CYP27A1: variants seen among roughly 807,000 people sequenced by gnomAD.
CYP27A1 encodes the protein cytochrome P450 family 27 subfamily A member 1.
A neutral mutation model predicts 58.2 loss-of-function variants in CYP27A1; 46 were observed. The observed-to-expected ratio is 0.79, with a 90% CI of 0.62 to 1.01. The LOEUF (loss-of-function observed/expected upper bound fraction) is 1.01. Ranked by LOEUF, CYP27A1 falls within the 50% of genes least tolerant of loss-of-function variation. The pLI, the probability that CYP27A1 is intolerant of heterozygous loss-of-function variation, is 0.00. For synonymous variants in CYP27A1, 274 were observed against 285.1 expected (o/e 0.96, Z 0.39); for missense variants, 704 against 687.0 (o/e 1.02, Z -0.28).
chr2:218,788,567 CTACAT>C (rs1943461157), intron 1 of CYP27A1, among the ~76,000 whole-genome samples: 1 of 152,144 alleles, frequency 6.6e-6, no homozygotes, highest in Admixed American at 6.5e-5. Context: ...AAATTATTAA[CTACAT>C]TACTGAACAG....
At position 218,782,541 on chromosome 2, in the gene CYP27A1, A is replaced by G; in HGVS notation, c.255+104A>G. 1 of 1,453,296 alleles carries G rather than the reference A, an allele frequency of 6.9e-7. No individual in the cohort carries two copies. The highest frequency in any genetic ancestry group is 9.6e-7 in the Non-Finnish European group (1 of 1,043,296). 90.0% of individuals were successfully genotyped at this position (1,453,296 alleles called of 1,614,324 possible). A position where few individuals can be genotyped will look rare whatever the true frequency, so the allele number is the denominator to read the frequency against. The stretch of plus-strand genomic sequence containing the variant: ...CAGAAAGTGAAGGCTGCAGGAACTC[A>G]GCTGGGGACCCACTGAGGCTATGGT... On this transcript the variant is annotated intron_variant, in intron 1 of 8. Transcript: ENST00000258415. This position sits in a 1 kb window ranked among gnomAD's most constrained non-coding sequence, Gnocchi z 4.1.
intron 1 of CYP27A1, among the ~76,000 whole-genome samples, chr2:218,798,300 C>T (rs965030955): frequency 6.6e-6 from 1 of 152,208 alleles, no homozygotes; most frequent in Non-Finnish European, 1.5e-5. Context: ...TTACCATGCC[C>T]AGCCTTCTTA....
chr2:218,813,374 C>T (rs1204852976), intron 5 of CYP27A1, among the ~76,000 whole-genome samples: 1 of 152,200 alleles, frequency 6.6e-6, no homozygotes, highest in Non-Finnish European at 1.5e-5. Context: ...ATCCAACTCT[C>T]TTGCTGCAAT....
intron 1 of CYP27A1, among the ~76,000 whole-genome samples, chr2:218,803,152 C>T (rs983238282): frequency 2.6e-5 from 4 of 152,094 alleles, no homozygotes; most frequent in Admixed American, 6.5e-5. Flanking sequence ...GCCATATTGG[C>T]CAGGCTGGTC....
chr2:218,785,733 G>A (rs1943434886), intron 1 of CYP27A1, among the ~76,000 whole-genome samples: 1 of 152,088 alleles, frequency 6.6e-6, no homozygotes, highest in South Asian at 2.1e-4. Context: ...GCCATCCCAT[G>A]GGAAATACAT....
rs10630235 is a variant in CYP27A1 at position 218,801,979 on chromosome 2, C to CTTTTTT, written c.256-7587_256-7582dup. ...GGCTGGGGCTGCAGCTGCTAGCAGG[C>CTTTTTT]TTTTTTTTTTTTTTTTAATTCCTAT... On this transcript the variant is annotated intron_variant, in intron 1 of 8. Transcript: ENST00000258415. Among the ~76,000 whole-genome samples, 58 of 130,574 alleles carry CTTTTTT rather than the reference C, an allele frequency of 4.4e-4. 1 individual carries two copies. The highest frequency in any genetic ancestry group is 1.6e-3 in the African/African-American group (53 of 33,004). 85.7% of individuals were successfully genotyped at this position (130,574 alleles called of 152,430 possible). A position where few individuals can be genotyped will look rare whatever the true frequency, so the allele number is the denominator to read the frequency against.
intron 1 of CYP27A1, among the ~76,000 whole-genome samples, chr2:218,807,261 C>T (rs1943661982): frequency 6.6e-6 from 1 of 151,858 alleles, no homozygotes; most frequent in Non-Finnish European, 1.5e-5. Flanking sequence ...GCCCGGCCCT[C>T]CTAGGGAATT....
chr2:218,787,498 C>A (rs770269606), intron 1 of CYP27A1, among the ~76,000 whole-genome samples: 1 of 152,078 alleles, frequency 6.6e-6, no homozygotes, highest in African/African-American at 2.4e-5. Flanking sequence ...ACTGGAGTGC[C>A]CAACATGATT....
At position 218,815,025 on chromosome 2, in the gene CYP27A1, T is replaced by G. The variant is rs1943775075; in HGVS notation, c.1591T>G (p.Cys531Gly). The change falls in exon 9 of 9, where the codon TGC (cysteine) becomes GGC (glycine). Residue 531 changes from cysteine (C) to glycine (G), a missense_variant. Cys to Gly is a radical substitution (Grantham distance 159, BLOSUM62 -3). Coordinates refer to ENST00000258415, the MANE Select transcript of CYP27A1 (RefSeq NM_000784.4). The part of the protein sequence containing the change: ...KVGLQFLQRQ[C>G] ...GGGCCTGCAGTTCCTGCAGAGACAG[T>G]GCTGAGCTGAGTCTCCGCCTTGCTG... 1 of 1,614,172 alleles carries G rather than the reference T, an allele frequency of 6.2e-7. No individual in the cohort carries two copies. The highest frequency in any genetic ancestry group is 1.7e-5 in the Admixed American group (1 of 60,026).
At chr2:218,811,519 A>G (rs1171161744) in intron 2 of CYP27A1, among the ~76,000 whole-genome samples, 3 of 152,222 alleles carry the variant, frequency 2.0e-5, no homozygotes, top group Admixed American at 1.3e-4. Flanking sequence ...CACCCACGTG[A>G]GCACCCTTGC....
intron 1 of CYP27A1, among the ~76,000 whole-genome samples, chr2:218,791,691 C>G (rs1197179613): frequency 1.3e-5 from 2 of 152,172 alleles, no homozygotes; most frequent in East Asian, 3.8e-4. Context: ...TTCAAGGTCT[C>G]AAAGTCTTGA....
At chr2:218,807,164 T>C (rs1244391580) in intron 1 of CYP27A1, among the ~76,000 whole-genome samples, 2 of 151,992 alleles carry the variant, frequency 1.3e-5, no homozygotes, top group African/African-American at 4.8e-5. Context: ...TTTCACCATG[T>C]TGGCCAGGTT....
At chr2:218,788,169 G>C (rs962797923) in intron 1 of CYP27A1, among the ~76,000 whole-genome samples, 23 of 152,216 alleles carry the variant, frequency 1.5e-4, no homozygotes, top group Admixed American at 6.5e-5. Context: ...TCTGGGGCCG[G>C]AATGGCCAAG....
At chr2:218,809,843 G>A (rs538464293) in intron 2 of CYP27A1, 76 bp downstream of exon 2, 8 of 1,403,632 alleles carry the variant, frequency 5.7e-6, no homozygotes, top group Middle Eastern at 2.1e-4. Flanking sequence ...AGGGCAGGCA[G>A]GTGGATAACC....
At chr2:218,801,516 CA>C (rs1239664407) in intron 1 of CYP27A1, among the ~76,000 whole-genome samples, 1 of 151,898 alleles carries the variant, frequency 6.6e-6, no homozygotes, top group East Asian at 1.9e-4. Flanking sequence ...AAAAAAAACC[CA>C]AAAAACAAAA....
At chr2:218,811,746 C>T (rs1202989006) in intron 2 of CYP27A1, among the ~76,000 whole-genome samples, 1 of 152,220 alleles carries the variant, frequency 6.6e-6, no homozygotes, top group East Asian at 1.9e-4. Context: ...GCAGCTCCCC[C>T]TTATTTGACA....
chr2:218,798,034 G>T (rs533758362), intron 1 of CYP27A1, among the ~76,000 whole-genome samples: 1 of 151,532 alleles, frequency 6.6e-6, no homozygotes, highest in East Asian at 1.9e-4. Flanking sequence ...ACAGAGTCTC[G>T]CCCTGTCACC....
chr2:218,787,700 G>A (rs922834519), intron 1 of CYP27A1, among the ~76,000 whole-genome samples: 1 of 106,410 alleles, frequency 9.4e-6, no homozygotes, highest in Non-Finnish European at 2.3e-5. Context: ...ATACCCACAT[G>A]CTCTGCTTTC....
Position 218,815,233 on chromosome 2 carries a change from T to G in CYP27A1, c.*203T>G. ...TCCCTCTCAGCTAAAAGGCCACCCC[T>G]TTATCGCATTGCTGTCCTTGGGTAG... On this transcript the variant is annotated 3_prime_UTR_variant, in exon 9 of 9. Coordinates refer to ENST00000258415, the MANE Select transcript of CYP27A1 (RefSeq NM_000784.4). The G allele has an allele frequency of 1.7e-6, 1 of 604,072 alleles. No individual in the cohort carries two copies. Among genetic ancestry groups the G allele is most frequent in the Non-Finnish European group, 2.9e-6 (1 of 339,114 alleles). The allele number at this position is 604,072 out of a possible 1,614,324, so 37.4% of individuals were successfully genotyped here.
Sources: gnomAD v4.1 joint callset for allele counts (sites outside exome capture counted in the v4.1 genomes callset) on GRCh38, gnomAD v4.1.1 for gene constraint, Gnocchi (gnomAD v3.1) non-coding constraint, MANE v1.5 for transcripts, NCBI Gene and HGNC (gene_info 2026-07-23, HGNC 2026-07-21) for gene names.